SEMA3E: variants seen among roughly 807,000 people sequenced by gnomAD.
SEMA3E encodes semaphorin 3E.
A neutral mutation model predicts 93.6 loss-of-function variants in SEMA3E; 49 were observed. That is an observed-to-expected ratio of 0.52 (90% CI 0.42 to 0.66). The LOEUF (loss-of-function observed/expected upper bound fraction) is 0.66. Ranked by LOEUF, SEMA3E falls within the 30% of genes least tolerant of loss-of-function variation. The probability of loss-of-function intolerance (pLI) is 0.00; values close to 1 mark genes in which losing one functional copy is unlikely to be tolerated. For synonymous variants in SEMA3E, 363 were observed against 330.7 expected (o/e 1.10, Z -1.06); for missense variants, 906 against 964.8 (o/e 0.94, Z 0.81).
intron 1 of SEMA3E, among the ~76,000 whole-genome samples, chr7:83,503,787 G>A (rs1156934546): frequency 6.6e-6 from 1 of 152,140 alleles, no homozygotes; most frequent in African/African-American, 2.4e-5. Context: ...ATAATCTTAT[G>A]AGACCACCCT....
intron 1 of SEMA3E, among the ~76,000 whole-genome samples, chr7:83,620,872 G>A (rs1793542198): frequency 6.6e-6 from 1 of 151,794 alleles, no homozygotes; most frequent in Non-Finnish European, 1.5e-5. Context: ...CATATGATAA[G>A]CCCACAACCA....
At chr7:83,466,359 A>G in intron 4 of SEMA3E, 123 bp downstream of exon 4, 1 of 1,189,670 alleles carries the variant, frequency 8.4e-7, no homozygotes, top group East Asian at 2.4e-5. Flanking sequence ...TGTCTCAAGC[A>G]AACTGATTCA....
At chr7:83,520,317 T>TA (rs1327790572) in intron 1 of SEMA3E, among the ~76,000 whole-genome samples, 1 of 152,096 alleles carries the variant, frequency 6.6e-6, no homozygotes, top group African/African-American at 2.4e-5. Flanking sequence ...GCTCTGGTCT[T>TA]AGTTACTGAG....
At chr7:83,640,752 G>T (rs1440564048) in intron 1 of SEMA3E, among the ~76,000 whole-genome samples, 1 of 152,074 alleles carries the variant, frequency 6.6e-6, no homozygotes, top group Non-Finnish European at 1.5e-5. Flanking sequence ...TTGGCTTAAG[G>T]TGAGGAAGAA....
At chr7:83,552,525 G>A (rs1208378752) in intron 1 of SEMA3E, among the ~76,000 whole-genome samples, 1 of 152,170 alleles carries the variant, frequency 6.6e-6, no homozygotes, top group East Asian at 1.9e-4. Flanking sequence ...GGCAAAAAGA[G>A]CCATATTTTT....
chr7:83,602,321 T>C (rs1254544563), intron 1 of SEMA3E, among the ~76,000 whole-genome samples: 1 of 152,164 alleles, frequency 6.6e-6, no homozygotes, highest in Non-Finnish European at 1.5e-5. Flanking sequence ...AAATTACAAA[T>C]CATAATTCAT....
intron 4 of SEMA3E, among the ~76,000 whole-genome samples, chr7:83,431,698 T>C (rs1295580310): frequency 6.6e-6 from 1 of 151,774 alleles, no homozygotes; most frequent in East Asian, 1.9e-4. Flanking sequence ...GTATGAGTCA[T>C]TGTACCCAGC....
intron 1 of SEMA3E, among the ~76,000 whole-genome samples, chr7:83,503,013 T>TC (rs1466993801): frequency 2.0e-5 from 2 of 101,430 alleles, no homozygotes; most frequent in Admixed American, 9.8e-5. Flanking sequence ...TTTCTCTCTC[T>TC]TTTTTTTTTT....
At chr7:83,432,944 T>C (rs1562780339) in intron 4 of SEMA3E, among the ~76,000 whole-genome samples, 1 of 152,304 alleles carries the variant, frequency 6.6e-6, no homozygotes, top group Admixed American at 6.5e-5. Context: ...AAAACAATAA[T>C]ATATTTCAGC....
intron 16 of SEMA3E, among the ~76,000 whole-genome samples, chr7:83,379,441 G>A (rs1437120733): frequency 6.6e-6 from 1 of 151,804 alleles, no homozygotes; most frequent in Non-Finnish European, 1.5e-5. Context: ...TTCTAAATAA[G>A]TTACTACATA....
intron 2 of SEMA3E, among the ~76,000 whole-genome samples, chr7:83,471,538 G>A (rs1789894202): frequency 6.6e-6 from 1 of 151,942 alleles, no homozygotes; most frequent in Non-Finnish European, 1.5e-5. Flanking sequence ...GGAGGTGGAA[G>A]CTGGGTTAGT....
chr7:83,555,603 T>A (rs1055505966), intron 1 of SEMA3E, among the ~76,000 whole-genome samples: 1 of 152,168 alleles, frequency 6.6e-6, no homozygotes, highest in East Asian at 1.9e-4. Flanking sequence ...TGATTGCGAT[T>A]TGCCCATCTC....
chr7:83,608,142 G>A (rs556214989), intron 1 of SEMA3E, among the ~76,000 whole-genome samples: 1 of 152,144 alleles, frequency 6.6e-6, no homozygotes, highest in African/African-American at 2.4e-5. Flanking sequence ...GAACCCAGGA[G>A]GCAGAGGTTA....
intron 4 of SEMA3E, among the ~76,000 whole-genome samples, chr7:83,434,709 C>CTTTTT (rs76539180): frequency 1.5e-4 from 18 of 120,196 alleles, no homozygotes; most frequent in Non-Finnish European, 2.2e-4. Context: ...AACTGTATTT[C>CTTTTT]TTTTTTTTTT....
chr7:83,385,595 C>T (rs1787863116), intron 15 of SEMA3E, among the ~76,000 whole-genome samples, 162 bp from the exon 16 acceptor site: 1 of 151,956 alleles, frequency 6.6e-6, no homozygotes, highest in African/African-American at 2.4e-5. Context: ...GAGTGGCATA[C>T]CAAAATTTAG....
chr7:83,445,071 G>A (rs1170404985), intron 4 of SEMA3E, among the ~76,000 whole-genome samples: 4 of 152,170 alleles, frequency 2.6e-5, no homozygotes, highest in Non-Finnish European at 5.9e-5. Context: ...CAAGGAAGCA[G>A]TGGAGGAAAA....
intron 2 of SEMA3E, among the ~76,000 whole-genome samples, chr7:83,469,586 C>T (rs116260498): frequency 6.6e-6 from 1 of 152,022 alleles, no homozygotes; most frequent in Non-Finnish European, 1.5e-5. Flanking sequence ...TTAACTAGCC[C>T]TTTCCCATGT....
intron 2 of SEMA3E, 77 bp from the exon 3 acceptor site, chr7:83,469,379 C>A: frequency 9.1e-6 from 9 of 983,670 alleles, no homozygotes; most frequent in South Asian, 1.4e-5. Flanking sequence ...TCACTTTCTT[C>A]TACAGTTCAA....
intron 16 of SEMA3E, among the ~76,000 whole-genome samples, chr7:83,378,887 C>T (rs1162447612): frequency 6.6e-6 from 1 of 151,742 alleles, no homozygotes; most frequent in African/African-American, 2.4e-5. Context: ...CTGGCAACCC[C>T]ACTACTAGGA....
Sources: gnomAD v4.1 joint callset for allele counts (sites outside exome capture counted in the v4.1 genomes callset) on GRCh38, gnomAD v4.1.1 for gene constraint, MANE v1.5 for transcripts, NCBI Gene and HGNC (gene_info 2026-07-23, HGNC 2026-07-21) for gene names.